Variants in RALYL observed in about 807,000 individuals in gnomAD.
The protein encoded by RALYL is RALY RNA binding protein like, also known as RNA-binding Raly-like protein.
RALYL carries 29 observed loss-of-function variants against 35.1 expected under a neutral mutation model. The ratio of observed to expected loss-of-function variants is 0.83; its 90% confidence interval spans 0.61 to 1.13. RALYL has a LOEUF of 1.13. Ranked by LOEUF, RALYL falls within the 50% of genes most tolerant of loss-of-function variation. The pLI is 0.00. For missense variants in RALYL, 359 were observed against 360.4 expected, an observed-to-expected ratio of 1.00 and a Z score of 0.03; for synonymous variants, 120 against 127.6, an observed-to-expected ratio of 0.94 and a Z score of 0.40.
chr8:84,392,681 A>G (rs1860969084), intron 1 of RALYL, among the ~76,000 whole-genome samples: 1 of 152,044 alleles, frequency 6.6e-6, no homozygotes, highest in African/African-American at 2.4e-5. Context: ...CGACTGTGAT[A>G]GTGGTTACAG....
At chr8:84,434,137 G>T (rs2047449364) in intron 1 of RALYL, among the ~76,000 whole-genome samples, 1 of 151,922 alleles carries the variant, frequency 6.6e-6, no homozygotes, top group African/African-American at 2.4e-5. Context: ...TATCTCCTTG[G>T]TTTGTTGTTG....
chr8:84,620,714 TC>T (rs1372010449), intron 2 of RALYL, among the ~76,000 whole-genome samples: 1 of 151,586 alleles, frequency 6.6e-6, no homozygotes, highest in Non-Finnish European at 1.5e-5. Flanking sequence ...TTTTTCCCCA[TC>T]TTTGTGGTTT....
intron 2 of RALYL, among the ~76,000 whole-genome samples, chr8:84,686,938 C>G (rs766093705): frequency 1.3e-5 from 2 of 152,112 alleles, no homozygotes; most frequent in Non-Finnish European, 2.9e-5. Context: ...TACTTTCACT[C>G]TAACTGAATT....
intron 1 of RALYL, among the ~76,000 whole-genome samples, chr8:84,299,994 G>T (rs1840472015): frequency 6.6e-6 from 1 of 151,620 alleles, no homozygotes; most frequent in Non-Finnish European, 1.5e-5. Context: ...GGTTGATTTT[G>T]CTTTTATTTT....
chr8:84,431,083 A>C (rs1367945488), intron 1 of RALYL, among the ~76,000 whole-genome samples: 1 of 152,178 alleles, frequency 6.6e-6, no homozygotes, highest in Non-Finnish European at 1.5e-5. Flanking sequence ...GTAGGAATGT[A>C]ATAATGGTAG....
intron 5 of RALYL, among the ~76,000 whole-genome samples, chr8:84,853,490 ACTCT>A (rs1385742816): frequency 6.6e-6 from 1 of 152,144 alleles, no homozygotes; most frequent in Admixed American, 6.5e-5. Context: ...CTTTCAGGTG[ACTCT>A]CTACTATACA....
intron 8 of RALYL, among the ~76,000 whole-genome samples, chr8:84,900,570 C>G (rs529835730): frequency 2.0e-5 from 3 of 151,768 alleles, no homozygotes; most frequent in African/African-American, 7.2e-5. Flanking sequence ...TTCCAGCTAC[C>G]TGGGAGGTTG....
At chr8:84,672,710 C>G (rs1833502470) in intron 2 of RALYL, among the ~76,000 whole-genome samples, 1 of 152,086 alleles carries the variant, frequency 6.6e-6, no homozygotes, top group Non-Finnish European at 1.5e-5. Context: ...GGGAAGTGCC[C>G]TTTATAAAAC....
At chr8:84,292,651 G>A (rs942709330) in intron 1 of RALYL, among the ~76,000 whole-genome samples, 2 of 152,208 alleles carry the variant, frequency 1.3e-5, no homozygotes, top group South Asian at 2.1e-4. Flanking sequence ...GAGAGTGACC[G>A]CTGGTCATCC....
intron 1 of RALYL, among the ~76,000 whole-genome samples, chr8:84,197,222 C>A (rs1321861869): frequency 1.3e-5 from 2 of 152,054 alleles, no homozygotes; most frequent in Non-Finnish European, 2.9e-5. Flanking sequence ...TATCTGTTTC[C>A]TGCATTTTCG....
rs1274287432 is a variant in RALYL, at chr8:84,255,054, T to G, written c.-24+70630T>G. ...TGGGGTTACAATCAAAATGAGATTT[T>G]GGGTTGGGACACAGCCAAACCATAT... On this transcript the variant is annotated intron_variant, in intron 1 of 8. Transcript: ENST00000521268. Among the ~76,000 whole-genome samples the G allele has an allele frequency of 2.6e-5, 4 of 152,234 alleles. No homozygotes were observed. In the East Asian group the frequency reaches 7.8e-4, roughly 30 times the overall value.
At chr8:84,745,541 G>A (rs1563503671) in intron 2 of RALYL, among the ~76,000 whole-genome samples, 1 of 151,988 alleles carries the variant, frequency 6.6e-6, no homozygotes, top group Non-Finnish European at 1.5e-5. Context: ...TTGATTCACA[G>A]TGCAAAGAAA....
chr8:84,233,169 G>A (rs936872517), intron 1 of RALYL, among the ~76,000 whole-genome samples: 3 of 151,150 alleles, frequency 2.0e-5, no homozygotes, highest in African/African-American at 4.9e-5. Context: ...TTTTTTTGTA[G>A]AGATGAGGTC....
chr8:84,299,348 T>C (rs1840343261), intron 1 of RALYL, among the ~76,000 whole-genome samples: 1 of 152,110 alleles, frequency 6.6e-6, no homozygotes, highest in Non-Finnish European at 1.5e-5. Flanking sequence ...AGCTTTTTGA[T>C]GTGCTGCTGG....
chr8:84,370,124 T>C (rs1044896744), intron 1 of RALYL, among the ~76,000 whole-genome samples: 1 of 152,166 alleles, frequency 6.6e-6, no homozygotes, highest in Admixed American at 6.6e-5. Flanking sequence ...ATTTTGTTTC[T>C]AAGGGCAGGT....
At chr8:84,470,279 C>T (rs1047765772) in intron 1 of RALYL, among the ~76,000 whole-genome samples, 10 of 152,060 alleles carry the variant, frequency 6.6e-5, no homozygotes, top group African/African-American at 1.9e-4. Context: ...TCTCTTAAGG[C>T]CTACACTATC....
At chr8:84,830,329 C>T (rs960835466) in intron 4 of RALYL, among the ~76,000 whole-genome samples, 1 of 151,890 alleles carries the variant, frequency 6.6e-6, no homozygotes, top group Non-Finnish European at 1.5e-5. Context: ...TAATTATTCA[C>T]AAGCTATTTC....
chr8:84,804,720 A>G (rs1184189003), intron 3 of RALYL, 50 bp from the exon 4 acceptor site: 2 of 975,534 alleles, frequency 2.1e-6, no homozygotes, highest in Non-Finnish European at 2.8e-6. Context: ...CAATTTTTGA[A>G]TATACAGCAA....
At chr8:84,831,678 T>A (rs1359283795) in intron 4 of RALYL, among the ~76,000 whole-genome samples, 1 of 152,102 alleles carries the variant, frequency 6.6e-6, no homozygotes, top group Non-Finnish European at 1.5e-5. Context: ...AAAATAGTGA[T>A]GAGATTTTTT....
Sources: gnomAD v4.1 joint callset for allele counts (sites outside exome capture counted in the v4.1 genomes callset) on GRCh38, gnomAD v4.1.1 for gene constraint, MANE v1.5 for transcripts, NCBI Gene and HGNC (gene_info 2026-07-23, HGNC 2026-07-21) for gene names.